TRPA1: variants seen among roughly 807,000 people sequenced by gnomAD.
TRPA1 encodes the protein transient receptor potential cation channel subfamily A member 1, also known as ankyrin-like with transmembrane domains 1.
TRPA1 carries 129 observed loss-of-function variants against 131.3 expected under a neutral mutation model. The observed-to-expected ratio is 0.98, with a 90% CI of 0.85 to 1.14. TRPA1 has a LOEUF of 1.14. Among genes scored for constraint, TRPA1 ranks in the 50% most tolerant of loss-of-function variants. The probability of loss-of-function intolerance (pLI) is 0.00; values close to 1 mark genes in which losing one functional copy is unlikely to be tolerated. For synonymous variants in TRPA1, 441 were observed against 451.7 expected, an observed-to-expected ratio of 0.98 and a Z score of 0.30; for missense variants, 1,304 against 1,354.2, an observed-to-expected ratio of 0.96 and a Z score of 0.58.
chr8:72,057,538 A>C (rs752032547), intron 9 of TRPA1, among the ~76,000 whole-genome samples, 179 bp downstream of exon 9: 2 of 152,246 alleles, frequency 1.3e-5, no homozygotes, highest in Non-Finnish European at 2.9e-5. Flanking sequence ...CTTACTGGAC[A>C]GAAAATTATT....
At chr8:72,077,484 A>G (rs1806212232), upstream of TRPA1, among the ~76,000 whole-genome samples, 1 of 152,216 alleles carries the variant, frequency 6.6e-6, no homozygotes, top group South Asian at 2.1e-4. Flanking sequence ...CTCTGTCTTT[A>G]ACACTGAAAA....
At chr8:72,052,963 A>ATGTGTGTGTGTGTGTGTGTGTGTGTG (rs1238979884) in intron 13 of TRPA1, 198 bp from the exon 14 acceptor site, 4 of 325,056 alleles carry the variant, frequency 1.2e-5, no homozygotes, top group African/African-American at 1.1e-4. Context: ...TGGGAAGTGG[A>ATGTGTGTGTGTGTGTGTGTGTGTGTG]TCTGTGTGTG....
At chr8:72,063,058 A>T (rs1218913922) in intron 5 of TRPA1, 114 bp from the exon 6 acceptor site, 1 of 1,054,490 alleles carries the variant, frequency 9.5e-7, no homozygotes, top group Non-Finnish European at 1.4e-6. Flanking sequence ...ACCGAGACAC[A>T]TAAAAGCTTG....
At chr8:72,085,108 C>G in the TRPA1 span, among the ~76,000 whole-genome samples, 3 of 152,070 alleles carry the variant, frequency 2.0e-5, no homozygotes, top group African/African-American at 7.2e-5. Context: ...TGGCTAGGGA[C>G]TTTTCAAAAC....
chr8:72,069,349 C>A, intron 2 of TRPA1, 151 bp from the exon 3 acceptor site: 1 of 772,568 alleles, frequency 1.3e-6, no homozygotes, highest in Non-Finnish European at 2.2e-6. Flanking sequence ...TCAGTTCTAA[C>A]GAAACATTTA....
chr8:72,055,542 G>C lies in TRPA1; in HGVS notation c.1423C>G (p.Leu475Val). 6.2e-7 allele frequency: 1 copy of C among 1,613,604 alleles called. No homozygotes were observed. The highest frequency in any genetic ancestry group is 8.5e-7 in the Non-Finnish European group (1 of 1,179,638). The change falls in exon 12 of 27, where the codon CTG (leucine) becomes GTG (valine). Residue 475 changes from leucine (L) to valine (V), a missense_variant. Physicochemically the swap from Leu to Val is conservative, Grantham distance 32. Coordinates refer to ENST00000262209, the MANE Select transcript of TRPA1 (RefSeq NM_007332.3). ...ATTCCATGAAGGTCACCTTCATTCA[G>C]AAGCCTCGTATCACTTATGTCTTGT... ...LLQDISDTRLLNEGDLHGMTP... is the reference protein window; with the variant it reads ...LLQDISDTRLVNEGDLHGMTP...
intron 22 of TRPA1, 40 bp downstream of exon 22, chr8:72,034,208 T>C: frequency 1.3e-6 from 2 of 1,568,800 alleles, no homozygotes. Context: ...ATTTCCATAA[T>C]TCACAGCGAC....
In TRPA1 at chr8:72,062,874, G is replaced by T; in HGVS notation, c.732C>A (p.His244Gln). 6.2e-7 allele frequency: 1 copy of T among 1,614,004 alleles called. No homozygotes were observed. Among genetic ancestry groups the T allele is most frequent in the South Asian group, 1.1e-5 (1 of 91,070 alleles). The change falls in exon 6 of 27, where the codon CAC (histidine) becomes CAA (glutamine). Residue 244 changes from histidine (H) to glutamine (Q), a missense_variant. His to Gln is a conservative substitution (Grantham distance 24, BLOSUM62 0). Coordinates refer to ENST00000262209, the MANE Select transcript of TRPA1 (RefSeq NM_007332.3). ...CCAAGTCACCATTTTGCACAGCCAG[G>T]TGGAGAGGGGTGGCTTTCCCATTAT... ...FMNNGKATPL[H>Q]LAVQNGDLEM...
At position 72,022,590 on chromosome 8, in the gene TRPA1, A is replaced by G. The variant is rs547847472; in HGVS notation, c.*316T>C. ...ACATTTGCATTTTAGCTTAATAGTTACATTTATTACTTCTTTTCATTAAAA... is the reference window on the plus strand; with the variant it reads ...ACATTTGCATTTTAGCTTAATAGTTGCATTTATTACTTCTTTTCATTAAAA... On this transcript the variant is annotated 3_prime_UTR_variant, in exon 27 of 27. Coordinates refer to ENST00000262209, the MANE Select transcript of TRPA1 (RefSeq NM_007332.3). The G allele has an allele frequency of 7.1e-6, 3 of 423,206 alleles. No individual in the cohort carries two copies. Among genetic ancestry groups the G allele is most frequent in the South Asian group, 2.2e-5 (1 of 45,794 alleles). The allele number at this position is 423,206 out of a possible 1,614,324, so 26.2% of individuals were successfully genotyped here. A position where few individuals can be genotyped will look rare whatever the true frequency, so the allele number is the denominator to read the frequency against.
intron 20 of TRPA1, 100 bp from the exon 21 acceptor site, chr8:72,036,557 G>T: frequency 8.7e-7 from 1 of 1,150,268 alleles, no homozygotes; most frequent in Non-Finnish European, 1.3e-6. Flanking sequence ...TAGCTTTGCA[G>T]CCAGCTGGGG....
At chr8:72,031,085 G>A (rs949284937) in intron 23 of TRPA1, among the ~76,000 whole-genome samples, 1 of 152,178 alleles carries the variant, frequency 6.6e-6, no homozygotes, top group Non-Finnish European at 1.5e-5. Context: ...TTAGTATAGA[G>A]CAGGGTACAT....
At chr8:72,051,476 A>G (rs1327543852) in intron 14 of TRPA1, among the ~76,000 whole-genome samples, 1 of 152,204 alleles carries the variant, frequency 6.6e-6, no homozygotes, top group African/African-American at 2.4e-5. Context: ...ATGGCCCATT[A>G]TCTCCAAGAT....
In TRPA1 at chr8:72,053,755, C is replaced by T. The variant is rs767429063; in HGVS notation, c.1642G>A (p.Gly548Arg). 1.2e-5 allele frequency: 19 copies of T among 1,610,430 alleles called. No homozygotes were observed. In the East Asian group the frequency reaches 2.9e-4, roughly 25 times the overall value. ...AGCATGAGGACCGCAGTACATACCCCGTCTTCATCCAGGCGATCTGTGCAC... is the reference window on the plus strand; with the variant it reads ...AGCATGAGGACCGCAGTACATACCCTGTCTTCATCCAGGCGATCTGTGCAC... ...LKCTDRLDED[G>R]NTALHFAARE... Residue 548 changes from glycine to arginine, a missense_variant and splice_region_variant, in exon 13 of 27, where the codon GGG becomes AGG. Physicochemically the swap from Gly to Arg is moderately radical, Grantham distance 125. Transcript: ENST00000262209.
upstream of TRPA1, among the ~76,000 whole-genome samples, chr8:72,080,390 G>T (rs929601842): frequency 1.0e-4 from 10 of 99,882 alleles, no homozygotes; most frequent in African/African-American, 1.9e-4. Flanking sequence ...ATGATCACAT[G>T]TTTTTTTCTC....
At chr8:72,076,699 T>C (rs934275355), upstream of TRPA1, 2 of 152,272 alleles carry the variant, frequency 1.3e-5, no homozygotes, top group Non-Finnish European at 2.9e-5. Flanking sequence ...CATGATGATA[T>C]TGAGGAACCA....
At chr8:72,050,411 T>C (rs1805471718) in intron 15 of TRPA1, among the ~76,000 whole-genome samples, 1 of 152,102 alleles carries the variant, frequency 6.6e-6, no homozygotes, top group Non-Finnish European at 1.5e-5. Flanking sequence ...CCAGATACCT[T>C]AAGGAAAGCA....
chr8:72,084,857 G>A, the TRPA1 span, among the ~76,000 whole-genome samples: 22 of 151,708 alleles, frequency 1.5e-4, no homozygotes, highest in East Asian at 3.1e-3. Flanking sequence ...TCATTCTGTC[G>A]GCCAGGCTGG....
rs1326023466 is a variant in TRPA1 at position 72,025,952 on chromosome 8, G to T, written c.3051+8C>A. On this transcript the variant is annotated splice_region_variant and intron_variant, in intron 25 of 26. Coordinates refer to ENST00000262209, the MANE Select transcript of TRPA1 (RefSeq NM_007332.3). ...TTACTGATGTTGTTATTTGTTATGT[G>T]TACTTACGAATAACATCCCACCAGA... 1 of 1,599,890 alleles carries T rather than the reference G, an allele frequency of 6.3e-7. No individual in the cohort carries two copies. Among genetic ancestry groups the T allele is most frequent in the Non-Finnish European group, 8.6e-7 (1 of 1,167,376 alleles).
chr8:72,074,248 T>C (rs761373720), intron 1 of TRPA1, among the ~76,000 whole-genome samples: 1 of 152,166 alleles, frequency 6.6e-6, no homozygotes, highest in African/African-American at 2.4e-5. Context: ...ACTGGTTAAA[T>C]AAATCATGAT....
Sources: allele counts gnomAD v4.1 joint callset (sites outside exome capture counted in the v4.1 genomes callset), GRCh38; gene constraint gnomAD v4.1.1; transcripts MANE v1.5; gene names NCBI Gene and HGNC (gene_info 2026-07-23, HGNC 2026-07-21).